The following ARHGAP28 variants were observed in gnomAD, a reference collection of about 807,000 sequenced individuals.
ARHGAP28 encodes Rho GTPase activating protein 28.
Under a neutral mutation model 90.7 loss-of-function variants are expected in ARHGAP28, and 56 were observed. The ratio of observed to expected loss-of-function variants is 0.62; its 90% CI spans 0.50 to 0.77. The LOEUF (loss-of-function observed/expected upper bound fraction) is 0.77. Among genes scored for constraint, ARHGAP28 ranks in the 30% least tolerant of loss-of-function variants. ARHGAP28 has a pLI of 0.00. For synonymous variants in ARHGAP28, 308 were observed against 323.3 expected (o/e 0.95, Z 0.51); for missense variants, 869 against 900.9 (o/e 0.96, Z 0.45).
chr18:6,758,665 A>G (rs2056133537), intron 1 of ARHGAP28, among the ~76,000 whole-genome samples: 1 of 152,178 alleles, frequency 6.6e-6, no homozygotes, highest in Non-Finnish European at 1.5e-5. Context: ...ACCAGAAGGG[A>G]AAGGGTGAGA....
intron 1 of ARHGAP28, among the ~76,000 whole-genome samples, chr18:6,801,989 A>T (rs1341300151): frequency 6.6e-6 from 1 of 152,124 alleles, no homozygotes; most frequent in Non-Finnish European, 1.5e-5. Flanking sequence ...AATTCCCACA[A>T]ATGAGTGAAA....
Position 6,838,337 on chromosome 18 carries a change from C to T in ARHGAP28, c.543+923C>T, listed in dbSNP as rs186167759. ...GTATCAATAATGGCATACATTAAAA[C>T]TTCAGGGGTATTGAGTAGAAATCAT... On this transcript the variant is annotated intron_variant, in intron 3 of 17. Coordinates refer to ENST00000383472, the MANE Select transcript of ARHGAP28 (RefSeq NM_001366230.1). Among the ~76,000 whole-genome samples, 16 of 152,322 alleles carry T rather than the reference C, an allele frequency of 1.1e-4. No homozygotes were observed. The East Asian group carries it at 2.5e-3, about 24-fold the overall frequency.
intron 1 of ARHGAP28, 67 bp downstream of exon 1, chr18:6,730,010 G>GC: frequency 7.8e-7 from 1 of 1,283,932 alleles, no homozygotes; most frequent in Non-Finnish European, 9.9e-7. Flanking sequence ...CCGTGCAGCT[G>GC]CGCCTTGTGC....
chr18:6,758,013 C>T (rs2056126139), intron 1 of ARHGAP28, among the ~76,000 whole-genome samples: 1 of 152,160 alleles, frequency 6.6e-6, no homozygotes, highest in Non-Finnish European at 1.5e-5. Context: ...CTCTGAGAGC[C>T]ATTTTCCAAG....
intron 1 of ARHGAP28, among the ~76,000 whole-genome samples, chr18:6,753,357 T>A (rs2056085260): frequency 6.6e-6 from 1 of 152,226 alleles, no homozygotes; most frequent in South Asian, 2.1e-4. Context: ...GATATTCCTA[T>A]TTTATCGAAT....
At chr18:6,873,642 T>C in intron 8 of ARHGAP28, 42 bp from the exon 9 acceptor site, 2 of 1,607,738 alleles carry the variant, frequency 1.2e-6, no homozygotes, top group South Asian at 1.1e-5. Flanking sequence ...AATGCTTTTC[T>C]AATTCTTTTT....
At chr18:6,855,632 A>G (rs1261417030) in intron 4 of ARHGAP28, among the ~76,000 whole-genome samples, 1 of 152,198 alleles carries the variant, frequency 6.6e-6, no homozygotes, top group Non-Finnish European at 1.5e-5. Flanking sequence ...GGGCTGAAAC[A>G]CGCTTCCCAC....
At chr18:6,857,052 A>C (rs927699034) in intron 4 of ARHGAP28, among the ~76,000 whole-genome samples, 1 of 152,238 alleles carries the variant, frequency 6.6e-6, no homozygotes, top group African/African-American at 2.4e-5. Context: ...TGCTGCCCAG[A>C]ACATTTATGA....
intron 3 of ARHGAP28, among the ~76,000 whole-genome samples, chr18:6,844,713 G>A (rs1469536661): frequency 2.0e-5 from 3 of 151,820 alleles, no homozygotes; most frequent in African/African-American, 4.8e-5. Flanking sequence ...CTGTAGAAAC[G>A]GTCAACTGGT....
intron 14 of ARHGAP28, among the ~76,000 whole-genome samples, chr18:6,893,055 A>G (rs559522058): frequency 6.6e-6 from 1 of 152,310 alleles, no homozygotes; most frequent in South Asian, 2.1e-4. Flanking sequence ...TTGCCTCCCA[A>G]GCTTTTTAGT....
At chr18:6,734,427 G>C (rs2055908933) in intron 1 of ARHGAP28, among the ~76,000 whole-genome samples, 2 of 151,978 alleles carry the variant, frequency 1.3e-5, no homozygotes, top group South Asian at 2.1e-4. Flanking sequence ...AAATAGAGGA[G>C]GGAAACAGCC....
At chr18:6,905,438 A>G (rs2057360160) in intron 16 of ARHGAP28, among the ~76,000 whole-genome samples, 1 of 152,164 alleles carries the variant, frequency 6.6e-6, no homozygotes, top group African/African-American at 2.4e-5. Flanking sequence ...CAAAACCTAC[A>G]GCTAACATCA....
intron 1 of ARHGAP28, among the ~76,000 whole-genome samples, chr18:6,799,907 A>G (rs1015411756): frequency 6.6e-6 from 1 of 152,228 alleles, no homozygotes; most frequent in African/African-American, 2.4e-5. Flanking sequence ...AAAAGAAACT[A>G]TCATCAGAGT....
At position 6,864,129 on chromosome 18, in the gene ARHGAP28, G is replaced by A. The variant is rs149650628; in HGVS notation, c.727-4021G>A. On this transcript the variant is annotated intron_variant, in intron 5 of 17. Coordinates refer to ENST00000383472, the MANE Select transcript of ARHGAP28 (RefSeq NM_001366230.1). Reference sequence around the variant, plus strand: ...CACCCAGGCTGGAGTGCAGTGGTGCGATCTTGGCTCACTGAAACCTCTGCC... The same window carrying A: ...CACCCAGGCTGGAGTGCAGTGGTGCAATCTTGGCTCACTGAAACCTCTGCC... 8.5e-3 allele frequency among the ~76,000 whole-genome samples: 1,291 copies of A among 152,046 alleles called. 7 individuals are homozygous for A. The highest frequency in any genetic ancestry group is 0.014 in the Non-Finnish European group (929 of 67,990).
intron 16 of ARHGAP28, among the ~76,000 whole-genome samples, chr18:6,899,470 T>TAAAG (rs1025913529): frequency 6.6e-6 from 1 of 151,964 alleles, no homozygotes; most frequent in African/African-American, 2.4e-5. Context: ...AAGGATTAGG[T>TAAAG]AAAGAGGTGG....
intron 1 of ARHGAP28, among the ~76,000 whole-genome samples, chr18:6,813,609 A>G (rs1487326751): frequency 6.6e-6 from 1 of 152,166 alleles, no homozygotes. Context: ...TCAGAAATAC[A>G]TTAAGGGGAC....
chr18:6,811,717 G>A (rs1468548849), intron 1 of ARHGAP28, among the ~76,000 whole-genome samples: 3 of 149,462 alleles, frequency 2.0e-5, no homozygotes, highest in Non-Finnish European at 4.4e-5. Flanking sequence ...AATACATAGT[G>A]CTGTTTTTTC....
At chr18:6,736,014 C>T (rs141178946) in intron 1 of ARHGAP28, among the ~76,000 whole-genome samples, 19 of 152,250 alleles carry the variant, frequency 1.2e-4, no homozygotes, top group East Asian at 1.2e-3. Context: ...TATAAAGTTA[C>T]GATTTTCCTC....
chr18:6,858,062 A>T (rs894156809), intron 4 of ARHGAP28, among the ~76,000 whole-genome samples: 19 of 152,158 alleles, frequency 1.2e-4, no homozygotes, highest in Non-Finnish European at 2.5e-4. Context: ...TTGTTGTGGC[A>T]TCTGGAGTTC....
Sources: allele counts gnomAD v4.1 joint callset (sites outside exome capture counted in the v4.1 genomes callset), GRCh38; gene constraint gnomAD v4.1.1; transcripts MANE v1.5; gene names NCBI Gene and HGNC (gene_info 2026-07-23, HGNC 2026-07-21).